The following HMCN1 variants were observed in gnomAD, a reference collection of about 807,000 sequenced individuals.
HMCN1 encodes hemicentin 1.
A neutral mutation model predicts 625.9 loss-of-function variants in HMCN1; 321 were observed. That is an observed-to-expected ratio of 0.51 (90% CI 0.47 to 0.56). The LOEUF (loss-of-function observed/expected upper bound fraction) is 0.56. HMCN1 is among the 20% of genes least tolerant of loss of function. The pLI, the probability that HMCN1 is intolerant of heterozygous loss-of-function variation, is 0.00. For synonymous variants in HMCN1, 2,425 were observed against 2,417.6 expected (o/e 1.00, Z -0.09); for missense variants, 6,588 against 6,887.3 (o/e 0.96, Z 1.54).
In HMCN1 at chr1:186,145,406, A is replaced by T. The variant is rs572395107; in HGVS notation, c.14270A>T (p.His4757Leu). 6.4e-7 allele frequency: 1 copy of T among 1,573,068 alleles called. No homozygotes were observed. Among genetic ancestry groups the T allele is most frequent in the Non-Finnish European group, 8.6e-7 (1 of 1,160,718 alleles). The change falls in exon 92 of 107, where the codon CAT becomes CTT. Residue 4757 changes from histidine (H) to leucine (L), a missense_variant. His to Leu is a moderately conservative substitution (Grantham distance 99, BLOSUM62 -3). Transcript: ENST00000271588. ...DFCNSDPCPT[H>L]GNWSPWSGWG... ...CTCAGATTATTCTGTCTTGTAGCCCATGGTAACTGGAGTCCTTGGAGTGGC... is the reference window on the plus strand; with the variant it reads ...CTCAGATTATTCTGTCTTGTAGCCCTTGGTAACTGGAGTCCTTGGAGTGGC...
chr1:186,113,998 G>A lies in HMCN1; in HGVS notation c.11151G>A (p.Gly3717=). 6 of 1,614,090 alleles carry A rather than the reference G, an allele frequency of 3.7e-6. No homozygotes were observed. Among genetic ancestry groups the A allele is most frequent in the Non-Finnish European group, 5.1e-6 (6 of 1,180,014 alleles). The part of the protein sequence containing the change: ...LTVNVPPNIK[G]GPQSLVILLN... ...GTTCAGTTCCTCCAAACATAAAGGG[G>A]GGCCCCCAGAGCCTTGTAATTCTTT... is the stretch of plus-strand genomic sequence containing the variant. The change falls in exon 73 of 107, where the codon GGG becomes GGA. Residue 3717 remains glycine, a synonymous_variant. Coordinates refer to ENST00000271588, the MANE Select transcript of HMCN1 (RefSeq NM_031935.3).
At chr1:185,928,302 A>G (rs952062099) in intron 9 of HMCN1, among the ~76,000 whole-genome samples, 4 of 152,176 alleles carry the variant, frequency 2.6e-5, no homozygotes, top group African/African-American at 9.6e-5. Flanking sequence ...TATTTCTCTA[A>G]ATAAATTTTC....
chr1:185,860,427 CATCCA>C (rs1662795174), intron 2 of HMCN1, among the ~76,000 whole-genome samples: 1 of 152,152 alleles, frequency 6.6e-6, no homozygotes, highest in South Asian at 2.1e-4. Context: ...TATATAAGCA[CATCCA>C]GTCTTGGCTT....
rs574511610 is a variant in HMCN1 at position 185,817,495 on chromosome 1, C to T, written c.269-28531C>T. On this transcript the variant is annotated intron_variant, in intron 1 of 106. Coordinates refer to ENST00000271588, the MANE Select transcript of HMCN1 (RefSeq NM_031935.3). ...AAAAGGCAGAAGAGAAAGGCTGAGG[C>T]CAGTTTACAGAGGGGCAGCAATGAC... 3.1e-4 allele frequency among the ~76,000 whole-genome samples: 47 copies of T among 151,978 alleles called. 2 individuals are homozygous for T. In the South Asian group the frequency reaches 9.2e-3, roughly 30 times the overall value.
chr1:185,926,239 A>T (rs908352212), intron 9 of HMCN1, among the ~76,000 whole-genome samples: 1 of 152,208 alleles, frequency 6.6e-6, no homozygotes, highest in South Asian at 2.1e-4. Context: ...TAAGATGTTA[A>T]ATGTTTGACA....
chr1:185,954,248 A>G (rs532137074), intron 11 of HMCN1, among the ~76,000 whole-genome samples: 23 of 152,296 alleles, frequency 1.5e-4, no homozygotes, highest in Non-Finnish European at 5.9e-5. Context: ...TGTGAACATA[A>G]TAACAGTTCC....
chr1:186,087,733 C>T, intron 60 of HMCN1, 88 bp downstream of exon 60: 1 of 1,318,676 alleles, frequency 7.6e-7, no homozygotes, highest in Non-Finnish European at 1.1e-6. Flanking sequence ...CCTTTTACTA[C>T]AGTGAAAAAT....
Position 186,178,581 on chromosome 1 carries a change from A to G in HMCN1, c.16109A>G (p.Tyr5370Cys). ...AATTATGGCACTCAATACAGTAGCTATAACCTTGCACGGTTCTCCCCTGTG... is the reference window on the plus strand; with the variant it reads ...AATTATGGCACTCAATACAGTAGCTGTAACCTTGCACGGTTCTCCCCTGTG... ...LPNYGTQYSS[Y>C]NLARFSPVRN... Residue 5370 changes from tyrosine (Y) to cysteine (C), a missense_variant, in exon 104 of 107, where the codon TAT becomes TGT. Tyr to Cys is a radical substitution (Grantham distance 194). Transcript: ENST00000271588. 1 of 1,614,152 alleles carries G rather than the reference A, an allele frequency of 6.2e-7. No homozygotes were observed. The highest frequency in any genetic ancestry group is 8.5e-7 in the Non-Finnish European group (1 of 1,180,000).
intron 2 of HMCN1, among the ~76,000 whole-genome samples, chr1:185,860,510 A>G (rs1192302907): frequency 3.3e-5 from 5 of 152,080 alleles, no homozygotes; most frequent in Non-Finnish European, 5.9e-5. Flanking sequence ...ATAGCTTGCT[A>G]TGTTGCCCAG....
chr1:185,877,103 G>C (rs60296562), intron 4 of HMCN1, among the ~76,000 whole-genome samples: 2 of 151,752 alleles, frequency 1.3e-5, no homozygotes, highest in Non-Finnish European at 2.9e-5. Flanking sequence ...GAGATACAAA[G>C]GGTCTAATTT....
rs147428169 is a variant in HMCN1, at chr1:185,794,420, C to T, written c.269-51606C>T. Among the ~76,000 whole-genome samples the T allele has an allele frequency of 4.8e-3, 712 of 149,334 alleles. 14 individuals are homozygous for T. Among genetic ancestry groups the T allele is most frequent in the African/African-American group, 0.017 (682 of 40,348 alleles). ...ACAAGATCTCACAATAGGCCATCTG[C>T]AAGCTGAGGAGTAAGGAAGCCAGTC... On this transcript the variant is annotated intron_variant, in intron 1 of 106. Transcript: ENST00000271588.
At chr1:185,794,684 A>G (rs568833374) in intron 1 of HMCN1, among the ~76,000 whole-genome samples, 67 of 141,844 alleles carry the variant, frequency 4.7e-4, no homozygotes, top group African/African-American at 1.7e-3. Flanking sequence ...CAGATTAAGT[A>G]TGGGTCTGCC....
chr1:186,148,026 A>T (rs1650430697), intron 93 of HMCN1, among the ~76,000 whole-genome samples: 2 of 152,248 alleles, frequency 1.3e-5, no homozygotes, highest in African/African-American at 4.8e-5. Flanking sequence ...TACCCACAGT[A>T]AAACTTTCAA....
chr1:185,902,480 A>G (rs1223779943), intron 4 of HMCN1, among the ~76,000 whole-genome samples: 5 of 151,490 alleles, frequency 3.3e-5, no homozygotes, highest in Non-Finnish European at 7.4e-5. Context: ...TAGAGATTTC[A>G]TAGATGACCC....
intron 6 of HMCN1, among the ~76,000 whole-genome samples, chr1:185,913,261 G>A (rs893576587): frequency 6.6e-6 from 1 of 151,982 alleles, no homozygotes; most frequent in Non-Finnish European, 1.5e-5. Flanking sequence ...CTTCCTGCCT[G>A]TTTTTTTTCC....
chr1:186,053,700 G>T, intron 43 of HMCN1, 125 bp from the exon 44 acceptor site: 3 of 903,316 alleles, frequency 3.3e-6, no homozygotes, highest in Non-Finnish European at 5.3e-6. Flanking sequence ...ACTAGGGCAG[G>T]ATTATTTTAC....
rs143975561 is a variant in HMCN1, at chr1:186,153,948, G to A, written c.15217G>A (p.Glu5073Lys). ...SVESDYNQIE[E>K]TLGFKIHASI... ...GGAATCTGACTATAACCAGATAGAA[G>A]AGACACTGGGTTTTAAAATTCATGC... The change falls in exon 97 of 107, where the codon GAG (glutamate) becomes AAG (lysine). Residue 5073 changes from glutamate (E) to lysine (K), a missense_variant. Around this residue, in one of 3 missense-constraint regions of HMCN1, gnomAD observed 1,954 missense variants for 2,013.1 expected, o/e 0.97. Coordinates refer to ENST00000271588, the MANE Select transcript of HMCN1 (RefSeq NM_031935.3). 1.2e-5 allele frequency: 19 copies of A among 1,613,936 alleles called. No individual in the cohort carries two copies. The highest frequency in any genetic ancestry group is 1.6e-5 in the Non-Finnish European group (19 of 1,179,946).
chr1:186,182,268 C>T lies in HMCN1; in HGVS notation c.16395C>T (p.His5465=), dbSNP rs771046913. ...CICPPGYQLT[H]NGKTCQDIDE... Reference sequence around the variant, plus strand: ...GCCCACCTGGCTATCAACTCACACACAATGGAAAGACATGCCAAGGTGAGA... The same window carrying T: ...GCCCACCTGGCTATCAACTCACACATAATGGAAAGACATGCCAAGGTGAGA... The change falls in exon 105 of 107, where the codon CAC becomes CAT. Residue 5465 remains histidine, a synonymous_variant. Transcript: ENST00000271588. The T allele has an allele frequency of 5.6e-6, 9 of 1,613,444 alleles. No individual in the cohort carries two copies. In the South Asian group the frequency reaches 9.9e-5, roughly 18 times the overall value.
chr1:185,969,110 T>A (rs1020626460), intron 14 of HMCN1, among the ~76,000 whole-genome samples: 3 of 152,216 alleles, frequency 2.0e-5, no homozygotes, highest in African/African-American at 7.2e-5. Flanking sequence ...TGCATTTTAG[T>A]CCAAACATTT....
Sources: allele counts gnomAD v4.1 joint callset (sites outside exome capture counted in the v4.1 genomes callset), GRCh38; gene constraint gnomAD v4.1.1; regional missense constraint gnomAD v4.1.1; transcripts MANE v1.5; gene names NCBI Gene and HGNC (gene_info 2026-07-23, HGNC 2026-07-21).